Variants in ADAM32 observed in about 807,000 individuals in gnomAD.
ADAM32 encodes ADAM metallopeptidase domain 32.
In ADAM32, 89 loss-of-function variants were observed where a neutral mutation model predicts 114.9. The observed-to-expected ratio is 0.77, with a 90% CI of 0.65 to 0.92. The LOEUF (loss-of-function observed/expected upper bound fraction) is 0.92. Ranked by LOEUF, ADAM32 falls within the 40% of genes least tolerant of loss-of-function variation. The pLI, the probability that ADAM32 is intolerant of heterozygous loss-of-function variation, is 0.00. For missense variants in ADAM32, 870 were observed against 932.8 expected, an observed-to-expected ratio of 0.93 and a Z score of 0.88; for synonymous variants, 285 against 307.5, an observed-to-expected ratio of 0.93 and a Z score of 0.77.
intron 11 of ADAM32, among the ~76,000 whole-genome samples, chr8:39,200,235 C>A (rs1585521785): frequency 1.3e-5 from 2 of 152,190 alleles, no homozygotes; most frequent in African/African-American, 4.8e-5. Flanking sequence ...TACAGTCCCA[C>A]CAACAGTGTA....
intron 13 of ADAM32, 116 bp from the exon 14 acceptor site, chr8:39,222,924 A>T: frequency 1.4e-6 from 1 of 729,822 alleles, no homozygotes; most frequent in Non-Finnish European, 2.1e-6. Context: ...AAAAAGTATT[A>T]ATATACATTA....
intron 12 of ADAM32, among the ~76,000 whole-genome samples, chr8:39,218,070 T>A (rs965787640): frequency 6.6e-6 from 1 of 152,050 alleles, no homozygotes; most frequent in Non-Finnish European, 1.5e-5. Flanking sequence ...CATATTTGCA[T>A]TAGGGGTCAC....
chr8:39,120,038 G>A (rs549211414), intron 2 of ADAM32, among the ~76,000 whole-genome samples: 2 of 152,352 alleles, frequency 1.3e-5, no homozygotes, highest in African/African-American at 4.8e-5. Flanking sequence ...GCAGCTGTCT[G>A]CAAGCCAAGA....
upstream of ADAM32, chr8:39,107,605 G>T: frequency 6.9e-7 from 1 of 1,444,072 alleles, no homozygotes; most frequent in Admixed American, 2.7e-5. Context: ...GCACGCTGCG[G>T]GCCCTTCGTG....
At chr8:39,113,602 T>G (rs888246962) in intron 1 of ADAM32, among the ~76,000 whole-genome samples, 1 of 152,192 alleles carries the variant, frequency 6.6e-6, no homozygotes, top group Non-Finnish European at 1.5e-5. Flanking sequence ...CTGCAACCAC[T>G]GGACCCCAAG....
chr8:39,166,076 G>A (rs1804817556), intron 9 of ADAM32: 2 of 151,834 alleles, frequency 1.3e-5, no homozygotes. Context: ...AGTTATTGGG[G>A]TACAGGTGAT....
At chr8:39,129,900 A>G (rs890691196) in intron 2 of ADAM32, 7 of 380,928 alleles carry the variant, frequency 1.8e-5, no homozygotes, top group Admixed American at 3.0e-5. Flanking sequence ...TTAGAAATTT[A>G]TTAATTTTAT....
chr8:39,116,077 C>T (rs1218538745), intron 1 of ADAM32, among the ~76,000 whole-genome samples: 1 of 152,132 alleles, frequency 6.6e-6, no homozygotes, highest in Admixed American at 6.6e-5. Flanking sequence ...GTTTTCTAAC[C>T]TGTTCCATTG....
intron 11 of ADAM32, among the ~76,000 whole-genome samples, chr8:39,210,360 T>C (rs1314436999): frequency 2.6e-5 from 4 of 152,226 alleles, no homozygotes; most frequent in African/African-American, 9.6e-5. Context: ...TCTTTTCTTG[T>C]TGTTATGCCA....
rs149138476 is a variant in ADAM32 at position 39,240,242 on chromosome 8, C to T, written c.1819-5841C>T. On this transcript the variant is annotated intron_variant, in intron 16 of 24. Transcript: ENST00000379907. ...TGTCAAGTACTCTCTCAGACCACAG[C>T]GGAATAAAATTGGAAATAACTCCAA... Among the ~76,000 whole-genome samples the T allele has an allele frequency of 8.0e-3, 1,224 of 152,238 alleles. 8 individuals are homozygous for T. Among genetic ancestry groups the T allele is most frequent in the Non-Finnish European group, 0.011 (739 of 68,006 alleles).
At chr8:39,200,739 G>A (rs1325533301) in intron 11 of ADAM32, among the ~76,000 whole-genome samples, 1 of 152,138 alleles carries the variant, frequency 6.6e-6, no homozygotes, top group Non-Finnish European at 1.5e-5. Flanking sequence ...TTTTCTTCTA[G>A]GGTTTTTATG....
At chr8:39,139,798 A>G (rs1057079110) in intron 3 of ADAM32, among the ~76,000 whole-genome samples, 4 of 152,230 alleles carry the variant, frequency 2.6e-5, no homozygotes, top group African/African-American at 4.8e-5. Flanking sequence ...GATTCTTCCT[A>G]TCTATGAGCA....
rs190213672 is a variant in ADAM32, at chr8:39,193,176, C to T, written c.1052+6131C>T. Among the ~76,000 whole-genome samples, 14 of 152,268 alleles carry T rather than the reference C, an allele frequency of 9.2e-5. No homozygotes were observed. In the East Asian group the frequency reaches 2.7e-3, roughly 29 times the overall value. ...AGTTTCTTCACATAATCCCATATTT[C>T]CTGGAGGTTTTGTTCTTTCCTTTAT... On this transcript the variant is annotated intron_variant, in intron 11 of 24. Coordinates refer to ENST00000379907, the MANE Select transcript of ADAM32 (RefSeq NM_145004.7).
chr8:39,163,991 TACAC>T (rs1164352066), intron 7 of ADAM32, among the ~76,000 whole-genome samples: 3 of 152,282 alleles, frequency 2.0e-5, no homozygotes, highest in South Asian at 2.1e-4. Context: ...TATGTATACA[TACAC>T]ACACACTCAT....
intron 11 of ADAM32, among the ~76,000 whole-genome samples, chr8:39,209,289 A>G (rs575903764): frequency 6.6e-6 from 1 of 152,062 alleles, no homozygotes; most frequent in African/African-American, 2.4e-5. Context: ...TTTTCAGTTT[A>G]TCTATTATTG....
intron 17 of ADAM32, among the ~76,000 whole-genome samples, chr8:39,249,058 C>T (rs929907563): frequency 2.6e-5 from 4 of 151,798 alleles, no homozygotes; most frequent in Non-Finnish European, 5.9e-5. Flanking sequence ...GTCCTGCCAC[C>T]ATGCCCGGAT....
At position 39,224,326 on chromosome 8, in the gene ADAM32, T is replaced by C. The variant is rs1388679904; in HGVS notation, c.1525+1088T>C. On this transcript the variant is annotated intron_variant, in intron 14 of 24. Transcript: ENST00000379907. ...TTGGTGAATCATAAGGTAGTTCTAC[T>C]TTTGATTTCTAAGGATGTTCCATAT... Among the ~76,000 whole-genome samples, 4 of 152,358 alleles carry C rather than the reference T, an allele frequency of 2.6e-5. No homozygotes were observed. The East Asian group carries it at 7.7e-4, about 29-fold the overall frequency.
intron 1 of ADAM32, among the ~76,000 whole-genome samples, chr8:39,112,502 T>C (rs1840206630): frequency 6.6e-6 from 1 of 152,260 alleles, no homozygotes; most frequent in South Asian, 2.1e-4. Flanking sequence ...TTCTTAAAGT[T>C]ATTTTACAAC....
At chr8:39,231,326 G>A (rs1274986990) in intron 14 of ADAM32, among the ~76,000 whole-genome samples, 1 of 152,052 alleles carries the variant, frequency 6.6e-6, no homozygotes, top group Non-Finnish European at 1.5e-5. Context: ...CAGACAGCTA[G>A]TAAAGCTACA....
Sources: gnomAD v4.1 joint callset for allele counts (sites outside exome capture counted in the v4.1 genomes callset) on GRCh38, gnomAD v4.1.1 for gene constraint, MANE v1.5 for transcripts, NCBI Gene and HGNC (gene_info 2026-07-23, HGNC 2026-07-21) for gene names.